The following OSBPL10 variants were observed in gnomAD, a reference collection of about 807,000 sequenced individuals.
The protein encoded by OSBPL10 is oxysterol-binding protein-related protein 10.
Under a neutral mutation model 81.7 loss-of-function variants are expected in OSBPL10, and 49 were observed. The ratio of observed to expected loss-of-function variants is 0.60; its 90% confidence interval spans 0.48 to 0.76. OSBPL10 has a LOEUF of 0.76. Ranked by LOEUF, OSBPL10 falls within the 30% of genes least tolerant of loss-of-function variation. The probability of loss-of-function intolerance (pLI) is 0.00; values close to 1 mark genes in which losing one functional copy is unlikely to be tolerated. For missense variants in OSBPL10, 923 were observed against 987.8 expected (o/e 0.93, Z 0.88); for synonymous variants, 419 against 383.6 (o/e 1.09, Z -1.08).
intron 4 of OSBPL10, among the ~76,000 whole-genome samples, chr3:31,820,450 C>G (rs1699954406): frequency 6.6e-6 from 1 of 151,948 alleles, no homozygotes; most frequent in Non-Finnish European, 1.5e-5. Context: ...GAAAAATTAG[C>G]CGGGTGCCGT....
intron 1 of OSBPL10, 52 bp downstream of exon 1, chr3:31,980,841 GCACACA>G (rs72290087): frequency 2.6e-3 from 3,404 of 1,321,152 alleles, no homozygotes; most frequent in South Asian, 0.011. Flanking sequence ...ACACACGCAC[GCACACA>G]CACACACACA....
chr3:31,780,980 TA>T (rs1698681624), intron 4 of OSBPL10, among the ~76,000 whole-genome samples: 1 of 152,178 alleles, frequency 6.6e-6, no homozygotes, highest in Non-Finnish European at 1.5e-5. Flanking sequence ...AGAATCATCC[TA>T]ATACTAAAAT....
intron 1 of OSBPL10, among the ~76,000 whole-genome samples, chr3:31,930,225 G>A (rs1697203646): frequency 6.6e-6 from 1 of 151,786 alleles, no homozygotes; most frequent in Non-Finnish European, 1.5e-5. Context: ...TACATATATG[G>A]CCCCTTGATG....
intron 7 of OSBPL10, among the ~76,000 whole-genome samples, chr3:31,699,280 C>A (rs1165001685): frequency 1.3e-5 from 2 of 152,198 alleles, no homozygotes; most frequent in Admixed American, 6.5e-5. Flanking sequence ...GTCCCCTTCA[C>A]ATGGCCCATA....
Position 32,010,829 on chromosome 3 carries a change from G to A in OSBPL10, n.298+35662C>T, listed in dbSNP as rs559746655. ...TGGCTCAGAGGGTCCTGTGCCCATG[G>A]AGCCTCACTCATTGCTAGCACAGCA... On this transcript the variant is annotated intron_variant and non_coding_transcript_variant, in intron 2 of 3. Transcript: ENST00000479173. 6.6e-5 allele frequency among the ~76,000 whole-genome samples: 10 copies of A among 152,336 alleles called. No homozygotes were observed. The East Asian group carries it at 1.5e-3, about 24-fold the overall frequency.
intron 8 of OSBPL10, among the ~76,000 whole-genome samples, chr3:31,674,217 C>T (rs1417915508): frequency 1.3e-5 from 2 of 151,960 alleles, no homozygotes; most frequent in Non-Finnish European, 2.9e-5. Flanking sequence ...AGTGAGTGCT[C>T]GCATTAGTAG....
At position 31,990,726 on chromosome 3, in the gene OSBPL10, C is replaced by T. The variant is rs185007191; in HGVS notation, n.298+55765G>A. Reference sequence around the variant, plus strand: ...AAGAATGTGACACAGTTTTCAGTCGCAAATCACACCATGAAACACATAAGA... The same window carrying T: ...AAGAATGTGACACAGTTTTCAGTCGTAAATCACACCATGAAACACATAAGA... On this transcript the variant is annotated intron_variant and non_coding_transcript_variant, in intron 2 of 3. Transcript: ENST00000479173. 2.5e-4 allele frequency: 399 copies of T among 1,613,856 alleles called. 1 individual carries two copies. In the Middle Eastern group the frequency reaches 2.6e-3, roughly 11 times the overall value.
intron 8 of OSBPL10, among the ~76,000 whole-genome samples, chr3:31,674,925 T>G (rs1411954052): frequency 6.6e-6 from 1 of 152,204 alleles, no homozygotes; most frequent in Non-Finnish European, 1.5e-5. Flanking sequence ...GTTCTGAGCA[T>G]GTTTCAGATA....
chr3:31,949,679 A>G (rs1697813257), intron 1 of OSBPL10, among the ~76,000 whole-genome samples: 1 of 146,372 alleles, frequency 6.8e-6, no homozygotes. Context: ...AAAAAAAAAA[A>G]AAAAAAAAAA....
chr3:31,693,671 C>T (rs903786036), intron 7 of OSBPL10, among the ~76,000 whole-genome samples: 1 of 152,158 alleles, frequency 6.6e-6, no homozygotes, highest in Non-Finnish European at 1.5e-5. Context: ...GCATTTTCTA[C>T]GGCTGCCTTT....
Position 31,879,757 on chromosome 3 carries a change from G to T in OSBPL10, c.355C>A (p.Arg119=). The change falls in exon 2 of 12, where the codon CGA becomes AGA. Residue 119 remains arginine (R), a synonymous_variant. Coordinates refer to ENST00000396556, the MANE Select transcript of OSBPL10 (RefSeq NM_017784.5). Reference sequence around the variant, plus strand: ...GCTCCAGATAAAGACAGGACTCCTCGAGGCTTCTGGTGTTTGCTTTGCTCA... The same window carrying T: ...GCTCCAGATAAAGACAGGACTCCTCTAGGCTTCTGGTGTTTGCTTTGCTCA... The part of the protein sequence containing the change: ...VNEQSKHQKP[R]GVLSLSGAIV... The T allele has an allele frequency of 6.2e-7, 1 of 1,614,144 alleles. No individual in the cohort carries two copies. Among genetic ancestry groups the T allele is most frequent in the Non-Finnish European group, 8.5e-7 (1 of 1,180,032 alleles).
chr3:31,853,120 C>T (rs1022984416), intron 3 of OSBPL10, among the ~76,000 whole-genome samples: 22 of 151,884 alleles, frequency 1.4e-4, no homozygotes, highest in Admixed American at 1.0e-3. Flanking sequence ...TTAGGAGGGA[C>T]GGAAGATGCC....
At chr3:31,770,766 A>G (rs988419266) in intron 4 of OSBPL10, among the ~76,000 whole-genome samples, 3 of 152,194 alleles carry the variant, frequency 2.0e-5, no homozygotes, top group Non-Finnish European at 4.4e-5. Flanking sequence ...AGCCTGGGCA[A>G]CAAGGGCAAA....
intron 6 of OSBPL10, among the ~76,000 whole-genome samples, chr3:31,729,297 A>G (rs1356766264): frequency 6.6e-6 from 1 of 152,152 alleles, no homozygotes; most frequent in African/African-American, 2.4e-5. Context: ...GAGCCCAACC[A>G]GTCACAGTGG....
intron 4 of OSBPL10, among the ~76,000 whole-genome samples, chr3:31,828,204 T>C (rs1438745906): frequency 1.3e-5 from 2 of 152,246 alleles, no homozygotes; most frequent in Non-Finnish European, 2.9e-5. Flanking sequence ...AGTTAAGTGT[T>C]GTGTCATTTT....
chr3:31,969,043 C>T (rs754019791), intron 1 of OSBPL10, among the ~76,000 whole-genome samples: 2 of 152,170 alleles, frequency 1.3e-5, no homozygotes, highest in African/African-American at 4.8e-5. Flanking sequence ...GCAGTACACA[C>T]ACAAAAAAGT....
chr3:31,962,860 C>G (rs1408260554), intron 1 of OSBPL10, among the ~76,000 whole-genome samples: 1 of 152,194 alleles, frequency 6.6e-6, no homozygotes, highest in Non-Finnish European at 1.5e-5. Flanking sequence ...ATATTGAGTA[C>G]CTACTATGCG....
chr3:31,705,366 G>T (rs1285820245), intron 6 of OSBPL10, among the ~76,000 whole-genome samples: 1 of 89,068 alleles, frequency 1.1e-5, no homozygotes, highest in East Asian at 3.1e-4. Flanking sequence ...TCTGCACAAA[G>T]AGAAGACCCC....
At chr3:31,722,740 T>A (rs1696686115) in intron 6 of OSBPL10, among the ~76,000 whole-genome samples, 1 of 152,150 alleles carries the variant, frequency 6.6e-6, no homozygotes, top group South Asian at 2.1e-4. Flanking sequence ...ATATTTGGAA[T>A]CTGAAACACA....
Sources: gnomAD v4.1 joint callset for allele counts (sites outside exome capture counted in the v4.1 genomes callset) on GRCh38, gnomAD v4.1.1 for gene constraint, MANE v1.5 for transcripts, NCBI Gene and HGNC (gene_info 2026-07-23, HGNC 2026-07-21) for gene names.